The following TAS2R1 variants were observed in gnomAD, a reference collection of about 807,000 sequenced individuals.
TAS2R1 encodes the protein taste 2 receptor member 1.
For synonymous variants in TAS2R1, 141 were observed against 134.2 expected (o/e 1.05, Z -0.35); for missense variants, 370 against 353.4 (o/e 1.05, Z -0.38).
chr5:9,668,008 G>A (rs1740671508), intron 1 of TAS2R1, among the ~76,000 whole-genome samples: 1 of 151,992 alleles, frequency 6.6e-6, no homozygotes, highest in Admixed American at 6.6e-5. Flanking sequence ...CCCAATGCAA[G>A]GAATCTAAGG....
At chr5:9,637,624 T>A (rs1388821586) in intron 2 of TAS2R1, among the ~76,000 whole-genome samples, 2 of 152,166 alleles carry the variant, frequency 1.3e-5, no homozygotes, top group African/African-American at 4.8e-5. Flanking sequence ...GTTCATTTTT[T>A]AAAATTCTTT....
chr5:9,881,383 T>G, the TAS2R1 span, among the ~76,000 whole-genome samples: 1 of 152,124 alleles, frequency 6.6e-6, no homozygotes, highest in Non-Finnish European at 1.5e-5. Flanking sequence ...GGAAAAACAT[T>G]CCATGCTCAT....
At chr5:9,823,247 T>C in the TAS2R1 span, among the ~76,000 whole-genome samples, 1 of 152,184 alleles carries the variant, frequency 6.6e-6, no homozygotes, top group Admixed American at 6.6e-5. Context: ...TTTGGCAGCT[T>C]ATCATAGCGT....
the TAS2R1 span, among the ~76,000 whole-genome samples, chr5:9,771,105 G>A: frequency 3.3e-5 from 5 of 152,098 alleles, no homozygotes; most frequent in African/African-American, 1.2e-4. Context: ...TTATCATGAA[G>A]GGATGTTTAA....
chr5:9,637,480 G>A (rs1739985723), intron 2 of TAS2R1, among the ~76,000 whole-genome samples: 1 of 152,090 alleles, frequency 6.6e-6, no homozygotes, highest in Admixed American at 6.5e-5. Context: ...AGATATCTAG[G>A]AATGCCAGGG....
chr5:9,899,076 G>C, the TAS2R1 span, among the ~76,000 whole-genome samples: 1 of 152,022 alleles, frequency 6.6e-6, no homozygotes. Context: ...CCACCCTTAG[G>C]ACATAGAGTG....
At chr5:9,703,195 G>A (rs1356541411) in intron 1 of TAS2R1, among the ~76,000 whole-genome samples, 1 of 152,144 alleles carries the variant, frequency 6.6e-6, no homozygotes, top group African/African-American at 2.4e-5. Flanking sequence ...ACTGGGCAGT[G>A]AAGACATCTC....
chr5:9,718,115 A>ATGCCCAGCAATT, the TAS2R1 span, among the ~76,000 whole-genome samples: 1 of 149,726 alleles, frequency 6.7e-6, no homozygotes, highest in Non-Finnish European at 1.5e-5. Context: ...ACACGCCACC[A>ATGCCCAGCAATT]TGCCCAGCAA....
chr5:9,799,116 T>G, the TAS2R1 span, among the ~76,000 whole-genome samples: 255 of 152,226 alleles, frequency 1.7e-3, 2 homozygotes, highest in African/African-American at 5.7e-3. Context: ...TTAGGTTGTC[T>G]CTCTAAAGCG....
chr5:9,643,761 T>C (rs1374384773), intron 2 of TAS2R1, among the ~76,000 whole-genome samples: 3 of 152,186 alleles, frequency 2.0e-5, no homozygotes, highest in Non-Finnish European at 4.4e-5. Context: ...ACAAAGCTTC[T>C]GTCATCTTGG....
intron 1 of TAS2R1, among the ~76,000 whole-genome samples, chr5:9,708,594 G>T (rs1010784813): frequency 4.7e-5 from 7 of 149,196 alleles, no homozygotes; most frequent in Non-Finnish European, 1.0e-4. Flanking sequence ...GAAACAAATG[G>T]TCTCTTTTTT....
At chr5:9,683,212 T>C (rs1741060465) in intron 1 of TAS2R1, among the ~76,000 whole-genome samples, 1 of 152,172 alleles carries the variant, frequency 6.6e-6, no homozygotes, top group South Asian at 2.1e-4. Context: ...GTATTATAAT[T>C]GCTTAATAAT....
At chr5:9,748,990 A>T in the TAS2R1 span, among the ~76,000 whole-genome samples, 4 of 152,058 alleles carry the variant, frequency 2.6e-5, no homozygotes, top group African/African-American at 9.7e-5. Context: ...TTTGCCTTCT[A>T]GCTCTCTATT....
intron 2 of TAS2R1, among the ~76,000 whole-genome samples, chr5:9,648,969 T>C (rs997086659): frequency 4.3e-4 from 66 of 152,284 alleles, no homozygotes; most frequent in African/African-American, 1.5e-3. Context: ...GTGCTTAAAG[T>C]GAGTTTGACC....
the TAS2R1 span, among the ~76,000 whole-genome samples, chr5:9,816,301 G>C: frequency 6.6e-6 from 1 of 152,014 alleles, no homozygotes; most frequent in African/African-American, 2.4e-5. Context: ...ATGAATATCT[G>C]CCATAAAATA....
intron 1 of TAS2R1, among the ~76,000 whole-genome samples, chr5:9,697,075 G>A (rs73037642): frequency 0.21 from 32,561 of 151,874 alleles, 3,704 homozygotes; most frequent in South Asian, 0.35. Flanking sequence ...GGAGGACGAG[G>A]AGAAGGAGAA....
intron 1 of TAS2R1, among the ~76,000 whole-genome samples, chr5:9,697,772 A>T (rs2126522802): frequency 6.6e-6 from 1 of 152,282 alleles, no homozygotes; most frequent in African/African-American, 2.4e-5. Context: ...CAAATCTCAC[A>T]CCAGCAGCTA....
At chr5:9,840,592 T>C in the TAS2R1 span, among the ~76,000 whole-genome samples, 2 of 152,088 alleles carry the variant, frequency 1.3e-5, no homozygotes. Flanking sequence ...TTTAATTCTA[T>C]ATATTCCTAT....
the TAS2R1 span, among the ~76,000 whole-genome samples, chr5:9,818,874 A>G: frequency 3.9e-5 from 6 of 152,302 alleles, no homozygotes; most frequent in South Asian, 1.0e-3. Context: ...CCCCAACAAC[A>G]TAGACTTCAA....
Sources: allele counts gnomAD v4.1 joint callset (sites outside exome capture counted in the v4.1 genomes callset), GRCh38; gene constraint gnomAD v4.1.1; transcripts MANE v1.5; gene names NCBI Gene and HGNC (gene_info 2026-07-23, HGNC 2026-07-21).